PIPOX: variants seen among roughly 807,000 people sequenced by gnomAD.
PIPOX encodes peroxisomal sarcosine oxidase.
Under a neutral mutation model 47.9 loss-of-function variants are expected in PIPOX, and 45 were observed. That is an observed-to-expected ratio of 0.94 (90% CI 0.74 to 1.20). The LOEUF (loss-of-function observed/expected upper bound fraction) is 1.20. PIPOX is among the 50% of genes most tolerant of loss of function. PIPOX has a pLI of 0.00. For missense variants in PIPOX, 458 were observed against 498.4 expected, an observed-to-expected ratio of 0.92 and a Z score of 0.77; for synonymous variants, 165 against 191.3, an observed-to-expected ratio of 0.86 and a Z score of 1.13.
chr17:29,055,014 G>T (rs2065821703), intron 5 of PIPOX, 49 bp from the exon 6 acceptor site: 1 of 1,610,364 alleles, frequency 6.2e-7, no homozygotes, highest in South Asian at 1.1e-5. Context: ...CTGTGGGTGT[G>T]TGTGGAAGGC....
intron 1 of PIPOX, 95 bp from the exon 2 acceptor site, chr17:29,044,764 C>G: frequency 1.6e-6 from 2 of 1,270,944 alleles, no homozygotes; most frequent in Non-Finnish European, 2.2e-6. Context: ...GGATAAATGG[C>G]TCCTGGTTGA....
chr17:29,053,810 T>C (rs1470436682), intron 4 of PIPOX: 4 of 462,520 alleles, frequency 8.6e-6, no homozygotes, highest in Non-Finnish European at 1.5e-5. Context: ...GGTGCAAAAG[T>C]AATTGCAGTT....
rs1326719126 is a variant in PIPOX, at chr17:29,053,079, C to T, written c.423C>T (p.Leu141=). The T allele has an allele frequency of 6.2e-7, 1 of 1,614,116 alleles. No individual in the cohort carries two copies. The highest frequency in any genetic ancestry group is 1.3e-5 in the African/African-American group (1 of 74,946). ...NIRLPRGEVG[L]LDNSGGVIYA... Reference sequence around the variant, plus strand: ...GGTTGCCCAGGGGAGAAGTGGGGCTCTTGGACAATTCCGGAGGAGTTATCT... The same window carrying T: ...GGTTGCCCAGGGGAGAAGTGGGGCTTTTGGACAATTCCGGAGGAGTTATCT... The change falls in exon 3 of 8, where the codon CTC becomes CTT. Residue 141 remains leucine, a synonymous_variant. Transcript: ENST00000323372.
In PIPOX at chr17:29,044,868, CCACACT is replaced by C; in HGVS notation, c.126_131del (p.His43_Ser44del). The stretch of plus-strand genomic sequence containing the variant: ...TGTTTTCCACTTCCAGTTCTTTCTA[CCACACT>C]CCCGAGGAAGCTCCCATGGACAAAG... On this transcript the variant is annotated inframe_deletion, in exon 2 of 8. Coordinates refer to ENST00000323372, the MANE Select transcript of PIPOX (RefSeq NM_016518.3). The C allele has an allele frequency of 6.2e-7, 1 of 1,611,608 alleles. No individual in the cohort carries two copies. The highest frequency in any genetic ancestry group is 1.7e-5 in the Admixed American group (1 of 59,504).
At chr17:29,052,818 C>A in intron 2 of PIPOX, 102 bp from the exon 3 acceptor site, 1 of 962,338 alleles carries the variant, frequency 1.0e-6, no homozygotes, top group Non-Finnish European at 1.6e-6. Context: ...AGTCATCCTC[C>A]TGCCTCAGCC....
rs1482796393 is a variant in PIPOX at position 29,056,218 on chromosome 17, T to G, written c.1086T>G (p.Tyr362Ter). Residue 362 changes from tyrosine to a stop codon, truncating the protein, a stop_gained, in exon 8 of 8, where the codon TAT (tyrosine) becomes TAG (stop). Transcript: ENST00000323372. LOFTEE classifies it high-confidence loss of function. The part of the protein sequence containing the change: ...KLAPVVGKIL[Y>*]ELSMKLTPSY... ...CCCCTGTGGTGGGGAAGATCCTGTA[T>G]GAATTAAGCATGAAATTAACACCAT... 6 of 1,614,036 alleles carry G rather than the reference T, an allele frequency of 3.7e-6. No homozygotes were observed. Among genetic ancestry groups the G allele is most frequent in the Non-Finnish European group, 5.1e-6 (6 of 1,180,020 alleles).
At chr17:29,055,306 G>C in intron 6 of PIPOX, 85 bp downstream of exon 6, 4 of 1,495,550 alleles carry the variant, frequency 2.7e-6, no homozygotes, top group Non-Finnish European at 3.7e-6. Context: ...GGCCAGGCCC[G>C]ATTGTTTGAC....
At chr17:29,047,260 A>C (rs1046610619) in intron 2 of PIPOX, among the ~76,000 whole-genome samples, 1 of 152,138 alleles carries the variant, frequency 6.6e-6, no homozygotes, top group Admixed American at 6.5e-5. Flanking sequence ...ACTGCACTGC[A>C]CTCCAGCCTG....
rs374439895 is a variant in PIPOX, at chr17:29,044,988, G to C, written c.244G>C (p.Ala82Pro). 11 of 1,609,112 alleles carry C rather than the reference G, an allele frequency of 6.8e-6. No homozygotes were observed. Among genetic ancestry groups the C allele is most frequent in the Non-Finnish European group, 7.6e-6 (9 of 1,177,668 alleles). The change falls in exon 2 of 8, where the codon GCT becomes CCT. Residue 82 changes from alanine (A) to proline (P), a missense_variant. Physicochemically the swap from Ala to Pro is conservative, Grantham distance 27. Coordinates refer to ENST00000323372, the MANE Select transcript of PIPOX (RefSeq NM_016518.3). Reference protein sequence around the residue: ...YQIWAQLEHEAGTQLHRQTGL... With the variant: ...YQIWAQLEHEPGTQLHRQTGL... ...GATATGGGCCCAGCTGGAGCACGAG[G>C]CTGGAACCCAATTGCACAGGTGGGC...
At chr17:29,050,549 C>T (rs141052082) in intron 2 of PIPOX, among the ~76,000 whole-genome samples, 25 of 152,266 alleles carry the variant, frequency 1.6e-4, no homozygotes, top group South Asian at 4.1e-4. Flanking sequence ...ACAAAAAATT[C>T]GCCAAGTGTG....
intron 2 of PIPOX, among the ~76,000 whole-genome samples, chr17:29,051,493 C>G (rs2065806091): frequency 6.6e-6 from 1 of 152,142 alleles, no homozygotes; most frequent in Non-Finnish European, 1.5e-5. Context: ...ACACCCACTA[C>G]CTGGGGGATG....
rs1224919266 is a variant in PIPOX, at chr17:29,048,322, T to G, written c.263+3315T>G. 2.0e-5 allele frequency among the ~76,000 whole-genome samples: 3 copies of G among 152,390 alleles called. No homozygotes were observed. The South Asian group carries it at 6.2e-4, about 32-fold the overall frequency. ...ATACTACTGATAGATATGAGCATAC[T>G]TAATGCTATTTGATGATGATTAAAA... On this transcript the variant is annotated intron_variant, in intron 2 of 7. Transcript: ENST00000323372.
At chr17:29,051,351 C>T (rs1411977033) in intron 2 of PIPOX, among the ~76,000 whole-genome samples, 1 of 152,208 alleles carries the variant, frequency 6.6e-6, no homozygotes, top group Non-Finnish European at 1.5e-5. Context: ...GCTCTGTGTA[C>T]TGACACCCGC....
chr17:29,052,957 C>T lies in PIPOX; in HGVS notation c.301C>T (p.Gln101Ter). 6.2e-7 allele frequency: 1 copy of T among 1,614,234 alleles called. No homozygotes were observed. Among genetic ancestry groups the T allele is most frequent in the Non-Finnish European group, 8.5e-7 (1 of 1,180,038 alleles). Residue 101 changes from glutamine (Q) to a stop codon, truncating the protein, a stop_gained, in exon 3 of 8, where the codon CAA (glutamine) becomes TAA (stop). Coordinates refer to ENST00000323372, the MANE Select transcript of PIPOX (RefSeq NM_016518.3). LOFTEE classifies it high-confidence loss of function. The stretch of plus-strand genomic sequence containing the variant: ...ACTGCTGCTGGGAATGAAAGAGAAT[C>T]AAGAATTAAAGACAATCCAGGCCAA... Reference protein sequence around the residue: ...GLLLLGMKENQELKTIQANLS... With the variant: ...GLLLLGMKEN
At chr17:29,052,723 C>T (rs1041970881) in intron 2 of PIPOX, among the ~76,000 whole-genome samples, 197 bp from the exon 3 acceptor site, 2 of 152,222 alleles carry the variant, frequency 1.3e-5, no homozygotes, top group Admixed American at 1.3e-4. Flanking sequence ...CCATGCTTGG[C>T]TACTTTTTAA....
At chr17:29,047,772 C>G (rs1188185113) in intron 2 of PIPOX, among the ~76,000 whole-genome samples, 1 of 152,102 alleles carries the variant, frequency 6.6e-6, no homozygotes. Flanking sequence ...CAGATTTGGT[C>G]CCTGAGTGGT....
intron 2 of PIPOX, among the ~76,000 whole-genome samples, chr17:29,050,281 A>G (rs145071291): frequency 2.0e-5 from 3 of 152,238 alleles, no homozygotes; most frequent in Non-Finnish European, 4.4e-5. Context: ...TTCACATTAC[A>G]TCTGCTTAGG....
intron 6 of PIPOX, 92 bp downstream of exon 6, chr17:29,055,313 T>A: frequency 1.4e-6 from 2 of 1,435,608 alleles, no homozygotes; most frequent in Non-Finnish European, 1.9e-6. Flanking sequence ...CCCGATTGTT[T>A]GACCCCTGAC....
chr17:29,050,391 T>G (rs560267969), intron 2 of PIPOX, among the ~76,000 whole-genome samples: 1 of 152,282 alleles, frequency 6.6e-6, no homozygotes, highest in South Asian at 2.1e-4. Flanking sequence ...CATACTTATT[T>G]GTTGAGTAAG....
Sources: gnomAD v4.1 joint callset for allele counts (sites outside exome capture counted in the v4.1 genomes callset) on GRCh38, gnomAD v4.1.1 for gene constraint, MANE v1.5 for transcripts, NCBI Gene and HGNC (gene_info 2026-07-23, HGNC 2026-07-21) for gene names.